The following DCAF8L2 variants were observed in gnomAD, a reference collection of about 807,000 sequenced individuals.
The protein encoded by DCAF8L2 is DDB1 and CUL4 associated factor 8 like 2, also known as DDB1- and CUL4-associated factor 8-like protein 2.
For synonymous variants in DCAF8L2, 200 were observed against 190.9 expected, an observed-to-expected ratio of 1.05 and a Z score of -0.39; for missense variants, 430 against 490.7, an observed-to-expected ratio of 0.88 and a Z score of 1.17.
At chrX:27,573,975 GCATGCCAC>G in the DCAF8L2 span, among the ~76,000 whole-genome samples, 1 of 110,020 alleles carries the variant, frequency 9.1e-6, no homozygotes, top group East Asian at 2.9e-4. Flanking sequence ...GACTACAAGT[GCATGCCAC>G]CATGCCAGGC....
chrX:27,746,833 C>T lies in DCAF8L2; in HGVS notation c.-58-5C>T, dbSNP rs776940792. 40 of 1,094,494 alleles carry T rather than the reference C, an allele frequency of 3.7e-5. No individual in the cohort carries two copies. The highest frequency in any genetic ancestry group is 5.6e-5 in the African/African-American group (3 of 53,471). The allele number at this position is 1,094,494 out of a possible 1,213,427, so 90.2% of individuals were successfully genotyped here. A position where few individuals can be genotyped will look rare whatever the true frequency, so the allele number is the denominator to read the frequency against. On this transcript the variant is annotated splice_polypyrimidine_tract_variant and splice_region_variant and intron_variant, in intron 4 of 4. Coordinates refer to ENST00000451261, the MANE Select transcript of DCAF8L2 (RefSeq NM_001353450.2). ...GTCCTAACCGCAGGCCAACTTTCTT[C>T]CCAGAGCTTTTAGGGGCCTGGCCTT...
intron 2 of DCAF8L2, among the ~76,000 whole-genome samples, chrX:27,643,891 T>A (rs1405855292): frequency 8.9e-6 from 1 of 111,895 alleles, no homozygotes; most frequent in African/African-American, 3.2e-5. Context: ...CATGCTAATA[T>A]AGTGTTCCAA....
the DCAF8L2 span, among the ~76,000 whole-genome samples, chrX:27,546,930 C>T: frequency 2.7e-5 from 3 of 112,367 alleles, no homozygotes; most frequent in Non-Finnish European, 5.6e-5. Flanking sequence ...TAGTGATTAA[C>T]ATTTGGTTTA....
At chrX:27,685,245 C>T (rs966736846) in intron 3 of DCAF8L2, among the ~76,000 whole-genome samples, 2 of 111,785 alleles carry the variant, frequency 1.8e-5, no homozygotes, top group African/African-American at 6.5e-5. Flanking sequence ...ATTTAAGTGA[C>T]AAAGAAGTTT....
the DCAF8L2 span, among the ~76,000 whole-genome samples, chrX:27,545,484 G>A: frequency 8.9e-6 from 1 of 111,963 alleles, no homozygotes; most frequent in African/African-American, 3.2e-5. Context: ...TTTAGATGCT[G>A]ATATGGTATT....
At chrX:27,519,612 GA>G in the DCAF8L2 span, 1 of 647,490 alleles carries the variant, frequency 1.5e-6, no homozygotes, top group Non-Finnish European at 2.6e-6. Context: ...AACATGATGA[GA>G]ATAATGCTGA....
chrX:27,718,821 A>T (rs940869894), intron 4 of DCAF8L2, among the ~76,000 whole-genome samples: 2 of 111,364 alleles, frequency 1.8e-5, no homozygotes, highest in Non-Finnish European at 3.8e-5. Context: ...GGTTCTTCGG[A>T]CTTCAGACTC....
chrX:27,596,327 C>T (rs1397444575), intron 1 of DCAF8L2, among the ~76,000 whole-genome samples: 1 of 111,170 alleles, frequency 9.0e-6, no homozygotes, highest in Non-Finnish European at 1.9e-5. Flanking sequence ...TAGAGAAATT[C>T]GTATCCCTTA....
chrX:27,573,692 G>A, the DCAF8L2 span, among the ~76,000 whole-genome samples: 3 of 111,256 alleles, frequency 2.7e-5, no homozygotes, highest in Non-Finnish European at 3.8e-5. Flanking sequence ...TTGGAGTGAG[G>A]GAAACACATT....
At chrX:27,555,974 CTA>C in the DCAF8L2 span, among the ~76,000 whole-genome samples, 1 of 111,560 alleles carries the variant, frequency 9.0e-6, no homozygotes, top group Non-Finnish European at 1.9e-5. Flanking sequence ...TGTGGTTTGC[CTA>C]TACCCTGGTG....
the DCAF8L2 span, among the ~76,000 whole-genome samples, chrX:27,530,638 C>T: frequency 9.0e-6 from 1 of 111,273 alleles, no homozygotes; most frequent in African/African-American, 3.3e-5. Context: ...ACTTTGCCTA[C>T]AGGATGGAGA....
At chrX:27,541,341 T>G in the DCAF8L2 span, among the ~76,000 whole-genome samples, 1 of 92,913 alleles carries the variant, frequency 1.1e-5, no homozygotes. Flanking sequence ...TTTTATTTTT[T>G]ATTTTATTTA....
chrX:27,702,668 A>G (rs1306746638), intron 3 of DCAF8L2, among the ~76,000 whole-genome samples: 3 of 111,280 alleles, frequency 2.7e-5, no homozygotes, highest in Non-Finnish European at 5.7e-5. Context: ...TTCATGATAA[A>G]GCATCTTAAC....
chrX:27,726,633 T>C (rs1034071261), intron 4 of DCAF8L2, among the ~76,000 whole-genome samples: 1 of 111,445 alleles, frequency 9.0e-6, no homozygotes, highest in Non-Finnish European at 1.9e-5. Flanking sequence ...CAACAGATTA[T>C]TTTCCTGTTT....
At chrX:27,645,079 T>G (rs1928889331) in intron 2 of DCAF8L2, among the ~76,000 whole-genome samples, 1 of 111,746 alleles carries the variant, frequency 8.9e-6, no homozygotes, top group Non-Finnish European at 1.9e-5. Flanking sequence ...ATGAGGCCAG[T>G]GTCATCCTGA....
chrX:27,506,173 A>C, the DCAF8L2 span, among the ~76,000 whole-genome samples: 1 of 111,868 alleles, frequency 8.9e-6, no homozygotes, highest in African/African-American at 3.2e-5. Context: ...GACAAAGAAA[A>C]ATGTTATCAC....
At chrX:27,486,198 G>A in the DCAF8L2 span, among the ~76,000 whole-genome samples, 1 of 108,582 alleles carries the variant, frequency 9.2e-6, no homozygotes, top group Non-Finnish European at 1.9e-5. Flanking sequence ...TAGAGAGGGG[G>A]TTTCACCATG....
intron 1 of DCAF8L2, among the ~76,000 whole-genome samples, chrX:27,592,992 T>C (rs371959978): frequency 3.3e-4 from 36 of 109,979 alleles, no homozygotes; most frequent in African/African-American, 1.1e-3. Context: ...AGAGACGGGG[T>C]TTCACCATAT....
chrX:27,522,651 C>T, the DCAF8L2 span, among the ~76,000 whole-genome samples: 16 of 112,121 alleles, frequency 1.4e-4, no homozygotes, highest in Non-Finnish European at 2.6e-4. Flanking sequence ...TACTCTGTTT[C>T]TATGAATTTG....
Sources: gnomAD v4.1 joint callset for allele counts (sites outside exome capture counted in the v4.1 genomes callset) on GRCh38, gnomAD v4.1.1 for gene constraint, MANE v1.5 for transcripts, NCBI Gene and HGNC (gene_info 2026-07-23, HGNC 2026-07-21) for gene names.